The following RUSF1 variants were observed in gnomAD, a reference collection of about 807,000 sequenced individuals.
RUSF1 encodes the protein RUS family member 1.
A neutral mutation model predicts 63.0 loss-of-function variants in RUSF1; 58 were observed. The observed-to-expected ratio is 0.92, with a 90% CI of 0.75 to 1.15. RUSF1 has a LOEUF of 1.15. Among genes scored for constraint, RUSF1 ranks in the 50% most tolerant of loss-of-function variants. RUSF1 has a pLI of 0.00. For missense variants in RUSF1, 652 were observed against 611.0 expected (o/e 1.07, Z -0.71); for synonymous variants, 274 against 255.8 (o/e 1.07, Z -0.68).
rs149408926 is a variant in RUSF1, at chr16:31,500,880, C to T, written c.416-149G>A. 1.6e-4 allele frequency: 117 copies of T among 744,228 alleles called. No homozygotes were observed. The East Asian group carries it at 3.0e-3, about 19-fold the overall frequency. The allele number at this position is 744,228 out of a possible 1,614,324, so 46.1% of individuals were successfully genotyped here. The stretch of plus-strand genomic sequence containing the variant: ...TAGAAGTTGTGGATAGTCATAGCTA[C>T]ATAATGGGGTCAGAAGTGCCTACAA... On this transcript the variant is annotated intron_variant, in intron 2 of 12. Transcript: ENST00000327237.
At chr16:31,491,235 T>C (rs1333338139) in intron 12 of RUSF1, among the ~76,000 whole-genome samples, 1 of 152,170 alleles carries the variant, frequency 6.6e-6, no homozygotes, top group Non-Finnish European at 1.5e-5. Context: ...TCTACACTGA[T>C]ACCACTTCAA....
chr16:31,500,287 C>T (rs1490382004), intron 3 of RUSF1, among the ~76,000 whole-genome samples: 1 of 152,174 alleles, frequency 6.6e-6, no homozygotes, highest in African/African-American at 2.4e-5. Flanking sequence ...AACACATGGC[C>T]TGGTTGAGGG....
chr16:31,500,601 C>T (rs1351557281), intron 3 of RUSF1, 85 bp downstream of exon 3: 7 of 1,490,478 alleles, frequency 4.7e-6, no homozygotes, highest in East Asian at 4.6e-5. Context: ...CCCTTACAGC[C>T]ACAATTAATG....
rs1477390659 is a variant in RUSF1 at position 31,507,753 on chromosome 16, G to A, written c.415+11C>T. 5 of 1,555,960 alleles carry A rather than the reference G, an allele frequency of 3.2e-6. No homozygotes were observed. The highest frequency in any genetic ancestry group is 3.5e-6 in the Non-Finnish European group (4 of 1,148,956). ...AGCAGCAATACGTGAGGCTCCAGGG[G>A]TGCAGCTCACCTTTCACGAGCCAGG... On this transcript the variant is annotated intron_variant, in intron 2 of 12. Coordinates refer to ENST00000327237, the MANE Select transcript of RUSF1 (RefSeq NM_022744.4).
Position 31,490,615 on chromosome 16 carries a change from G to A in RUSF1, c.*220C>T. 1 of 1,284,164 alleles carries A rather than the reference G, an allele frequency of 7.8e-7. No homozygotes were observed. Among genetic ancestry groups the A allele is most frequent in the Non-Finnish European group, 1.1e-6 (1 of 902,714 alleles). 79.5% of individuals were successfully genotyped at this position (1,284,164 alleles called of 1,614,324 possible). On this transcript the variant is annotated 3_prime_UTR_variant, in exon 13 of 13. Transcript: ENST00000327237. Reference sequence around the variant, plus strand: ...AGCCTGCGGTGCTCCCCAGAAAAGGGGAAGGGGCAGTGGGGTGAGAAGGTC... The same window carrying A: ...AGCCTGCGGTGCTCCCCAGAAAAGGAGAAGGGGCAGTGGGGTGAGAAGGTC...
intron 2 of RUSF1, among the ~76,000 whole-genome samples, chr16:31,507,019 T>C (rs2035763937): frequency 6.6e-6 from 1 of 152,198 alleles, no homozygotes; most frequent in African/African-American, 2.4e-5. Context: ...TTAGATCTAT[T>C]AGGTTGGCTC....
At chr16:31,507,542 G>A (rs1259887618) in intron 2 of RUSF1, among the ~76,000 whole-genome samples, 3 of 152,214 alleles carry the variant, frequency 2.0e-5, no homozygotes, top group Non-Finnish European at 2.9e-5. Context: ...AGACTCAGAA[G>A]TCTGTGTGGG....
chr16:31,496,961 G>A lies in RUSF1; in HGVS notation c.601-11C>T, dbSNP rs910929753. ...AACACTCACGATGCACTGGGTGGGA[G>A]GGGAAGAGAGAAGGTTGGCAGAGAC... On this transcript the variant is annotated splice_polypyrimidine_tract_variant and intron_variant, in intron 5 of 12. Coordinates refer to ENST00000327237, the MANE Select transcript of RUSF1 (RefSeq NM_022744.4). 4 of 1,589,962 alleles carry A rather than the reference G, an allele frequency of 2.5e-6. No homozygotes were observed. The highest frequency in any genetic ancestry group is 2.6e-6 in the Non-Finnish European group (3 of 1,168,994).
In RUSF1 at chr16:31,492,283, G is replaced by A; in HGVS notation, c.1145C>T (p.Ala382Val). The A allele has an allele frequency of 1.2e-6, 2 of 1,612,570 alleles. No individual in the cohort carries two copies. The highest frequency in any genetic ancestry group is 1.7e-6 in the Non-Finnish European group (2 of 1,179,312). Reference sequence around the variant, plus strand: ...GGCCCCAAGCATCAGCCCATGTGTGGCGGCCCTTAGGATGGTCTTGGGGCC... The same window carrying A: ...GGCCCCAAGCATCAGCCCATGTGTGACGGCCCTTAGGATGGTCTTGGGGCC... ...KAGPKTILRA[A>V]THGLMLGALQ... The change falls in exon 11 of 13, where the codon GCC becomes GTC. Residue 382 changes from alanine to valine, a missense_variant. Physicochemically the swap from Ala to Val is moderately conservative, Grantham distance 64. Coordinates refer to ENST00000327237, the MANE Select transcript of RUSF1 (RefSeq NM_022744.4).
rs759082711 is a variant in RUSF1, at chr16:31,508,286, C to A, written c.88G>T (p.Gly30Trp). The change falls in exon 1 of 13, where the codon GGG becomes TGG. Residue 30 changes from glycine to tryptophan, a missense_variant. Transcript: ENST00000327237. ...CCCCCGACCTCCCACTGCAGGCTCCCGTCCGCGGCGGCGCGGCAGCCCCGT... is the reference window on the plus strand; with the variant it reads ...CCCCCGACCTCCCACTGCAGGCTCCAGTCCGCGGCGGCGCGGCAGCCCCGT... ...EARGCRAAAD[G>W]SLQWEVGGWR... The A allele has an allele frequency of 2.7e-5, 42 of 1,574,056 alleles. No homozygotes were observed. In the South Asian group the frequency reaches 4.9e-4, roughly 18 times the overall value.
chr16:31,497,801 A>T (rs902123067), intron 5 of RUSF1, among the ~76,000 whole-genome samples: 3 of 152,252 alleles, frequency 2.0e-5, no homozygotes, highest in African/African-American at 7.2e-5. Flanking sequence ...ACGAGGGACA[A>T]AGTGAGGGCG....
At chr16:31,507,916 G>A in intron 1 of RUSF1, 38 bp from the exon 2 acceptor site, 1 of 1,546,366 alleles carries the variant, frequency 6.5e-7, no homozygotes, top group Non-Finnish European at 8.8e-7. Flanking sequence ...AGCGGGCGTA[G>A]GAGCGTGGCG....
chr16:31,506,801 AAT>A (rs2082661461), intron 2 of RUSF1, among the ~76,000 whole-genome samples: 1 of 152,008 alleles, frequency 6.6e-6, no homozygotes. Flanking sequence ...GAAAAAAAAA[AAT>A]AGAGATGGGG....
chr16:31,496,893 G>A lies in RUSF1; in HGVS notation c.658C>T (p.Arg220Trp), dbSNP rs779477336. 6.2e-6 allele frequency: 10 copies of A among 1,609,570 alleles called. No homozygotes were observed. The highest frequency in any genetic ancestry group is 2.2e-5 in the East Asian group (1 of 44,622). ...GACACGTCAGCCATGTTGTTCCTCC[G>A]AGCCTGGTGCACGGTCAGGGCAGCC... Reference protein sequence around the residue: ...TRAALTVHQARRNNMADVSAK... With the variant: ...TRAALTVHQAWRNNMADVSAK... The change falls in exon 6 of 13, where the codon CGG (arginine) becomes TGG (tryptophan). Residue 220 changes from arginine to tryptophan, a missense_variant. By Grantham distance (101) the Arg-to-Trp change is moderately radical. Transcript: ENST00000327237.
chr16:31,497,091 AG>A (rs2082607792), intron 5 of RUSF1, 141 bp from the exon 6 acceptor site: 1 of 634,104 alleles, frequency 1.6e-6, no homozygotes, highest in South Asian at 2.0e-5. Context: ...GATGCCCCCT[AG>A]GCTCAACTTC....
At chr16:31,505,970 A>G (rs2082656854) in intron 2 of RUSF1, among the ~76,000 whole-genome samples, 1 of 152,154 alleles carries the variant, frequency 6.6e-6, no homozygotes, top group Non-Finnish European at 1.5e-5. Flanking sequence ...TGTTCTGGTG[A>G]TCTGCTGTGC....
rs2082542316 is a variant in RUSF1 at position 31,489,662 on chromosome 16, T to G, written c.*1173A>C. On this transcript the variant is annotated 3_prime_UTR_variant, in exon 13 of 13. Coordinates refer to ENST00000327237, the MANE Select transcript of RUSF1 (RefSeq NM_022744.4). ...CGCCCACAAAAAGGTTTGGTTTTGT[T>G]GCCAAAGGGCAGGTGGCTCCAGGCA... 2.0e-6 allele frequency: 1 copy of G among 496,674 alleles called. No individual in the cohort carries two copies. Among genetic ancestry groups the G allele is most frequent in the East Asian group, 3.9e-5 (1 of 25,942 alleles). 30.8% of individuals were successfully genotyped at this position (496,674 alleles called of 1,614,324 possible). A position where few individuals can be genotyped will look rare whatever the true frequency, so the allele number is the denominator to read the frequency against.
Position 31,490,546 on chromosome 16 carries a change from G to T in RUSF1, c.*289C>A. The T allele has an allele frequency of 6.3e-7, 1 of 1,595,790 alleles. No individual in the cohort carries two copies. ...GGCTTCTATGCCTAAGACCAACTGC[G>T]TTGGACACCATAAGCCACAGCCTCA... On this transcript the variant is annotated 3_prime_UTR_variant, in exon 13 of 13. Transcript: ENST00000327237.
intron 2 of RUSF1, among the ~76,000 whole-genome samples, chr16:31,506,264 T>C (rs970488222): frequency 6.6e-6 from 1 of 152,250 alleles, no homozygotes; most frequent in African/African-American, 2.4e-5. Flanking sequence ...GTATAAAGTA[T>C]ATATGAAACA....
Sources: gnomAD v4.1 joint callset for allele counts (sites outside exome capture counted in the v4.1 genomes callset) on GRCh38, gnomAD v4.1.1 for gene constraint, MANE v1.5 for transcripts, NCBI Gene and HGNC (gene_info 2026-07-23, HGNC 2026-07-21) for gene names.